MET: variants seen among roughly 807,000 people sequenced by gnomAD.
The protein encoded by MET is MET proto-oncogene, receptor tyrosine kinase.
Under a neutral mutation model 133.1 loss-of-function variants are expected in MET, and 48 were observed. The observed-to-expected ratio is 0.36, with a 90% CI of 0.29 to 0.46. MET has a LOEUF of 0.46. Among genes scored for constraint, MET ranks in the 20% least tolerant of loss-of-function variants. The pLI is 1.00. For synonymous variants in MET, 628 were observed against 616.5 expected (o/e 1.02, Z -0.28); for missense variants, 1,442 against 1,695.9 (o/e 0.85, Z 2.63).
intron 19 of MET, among the ~76,000 whole-genome samples, chr7:116,792,033 G>T (rs894814577): frequency 3.3e-5 from 5 of 152,010 alleles, no homozygotes; most frequent in African/African-American, 7.2e-5. Context: ...AAAAGTTTTT[G>T]ATTTTGTTGA....
intron 5 of MET, among the ~76,000 whole-genome samples, chr7:116,745,607 G>A (rs1176659582): frequency 2.0e-5 from 3 of 152,138 alleles, no homozygotes; most frequent in East Asian, 3.9e-4. Flanking sequence ...ACAGAACAGA[G>A]CCCTCAGAAA....
intron 1 of MET, among the ~76,000 whole-genome samples, chr7:116,684,634 A>G (rs2116496990): frequency 6.6e-6 from 1 of 152,322 alleles, no homozygotes; most frequent in South Asian, 2.1e-4. Flanking sequence ...ATCCATAAAG[A>G]GGGATCCACA....
intron 15 of MET, among the ~76,000 whole-genome samples, chr7:116,775,331 A>G (rs1394956840): frequency 1.3e-5 from 2 of 152,188 alleles, no homozygotes; most frequent in Non-Finnish European, 2.9e-5. Context: ...CCCCAAATAT[A>G]TTAGAACTAA....
intron 2 of MET, among the ~76,000 whole-genome samples, chr7:116,711,702 C>T (rs1033274278): frequency 6.6e-6 from 1 of 151,918 alleles, no homozygotes; most frequent in Non-Finnish European, 1.5e-5. Flanking sequence ...CTCCTCAACT[C>T]CACCCAATCT....
chr7:116,744,571 A>T (rs1434680090), intron 5 of MET, among the ~76,000 whole-genome samples: 1 of 152,238 alleles, frequency 6.6e-6, no homozygotes, highest in Non-Finnish European at 1.5e-5. Context: ...TGATTGGTGT[A>T]CCTGAAAGTT....
In MET at chr7:116,746,692, A is replaced by G. The variant is rs182480559; in HGVS notation, c.1701+5667A>G. On this transcript the variant is annotated intron_variant, in intron 5 of 20. Coordinates refer to ENST00000397752, the MANE Select transcript of MET (RefSeq NM_000245.4). ...AACTATCGCAAGAACAAAAAACCAA[A>G]CACCGCATGTTCTCACTCATAGGTG... Among the ~76,000 whole-genome samples the G allele has an allele frequency of 2.7e-3, 413 of 150,734 alleles. 3 individuals are homozygous for G. Among genetic ancestry groups the G allele is most frequent in the African/African-American group, 8.9e-3 (366 of 41,136 alleles).
chr7:116,780,407 C>A (rs1795123383), intron 17 of MET, among the ~76,000 whole-genome samples: 1 of 152,096 alleles, frequency 6.6e-6, no homozygotes, highest in Non-Finnish European at 1.5e-5. Context: ...ATAAAACATT[C>A]CCTGGCAGTG....
At chr7:116,675,812 C>T (rs1003853735) in intron 1 of MET, among the ~76,000 whole-genome samples, 3 of 150,036 alleles carry the variant, frequency 2.0e-5, no homozygotes, top group Admixed American at 6.7e-5. Flanking sequence ...GTGAGACATA[C>T]CGAGAAAAGG....
chr7:116,716,328 A>AGAGG (rs1562892977), intron 2 of MET, among the ~76,000 whole-genome samples: 27 of 137,762 alleles, frequency 2.0e-4, no homozygotes, highest in South Asian at 4.9e-4. Flanking sequence ...AGAGAGAGAG[A>AGAGG]GAGAGAGAGA....
At chr7:116,759,857 A>G (rs1376647769) in intron 10 of MET, among the ~76,000 whole-genome samples, 2 of 151,940 alleles carry the variant, frequency 1.3e-5, no homozygotes, top group Non-Finnish European at 2.9e-5. Flanking sequence ...GCTCACTGCA[A>G]TTTCCCCCTC....
At chr7:116,684,214 A>G (rs1435631699) in intron 1 of MET, among the ~76,000 whole-genome samples, 3 of 152,254 alleles carry the variant, frequency 2.0e-5, no homozygotes, top group Non-Finnish European at 4.4e-5. Context: ...ATCAAAATCC[A>G]TATTGAATAA....
rs548339164 is a variant in MET at position 116,693,953 on chromosome 7, A to G, written c.-14-5118A>G. Among the ~76,000 whole-genome samples, 66 of 152,330 alleles carry G rather than the reference A, an allele frequency of 4.3e-4. No individual in the cohort carries two copies. The South Asian group carries it at 5.4e-3, about 12-fold the overall frequency. ...TGAGGTAGGTACTATAATCCTGCCC[A>G]TATTTTAGATGAGAAAATACAGGCT... On this transcript the variant is annotated intron_variant, in intron 1 of 20. Coordinates refer to ENST00000397752, the MANE Select transcript of MET (RefSeq NM_000245.4).
At chr7:116,746,232 AC>A (rs1793675698) in intron 5 of MET, among the ~76,000 whole-genome samples, 1 of 152,272 alleles carries the variant, frequency 6.6e-6, no homozygotes, top group African/African-American at 2.4e-5. Flanking sequence ...GCAATGAGAT[AC>A]CATCTCACAC....
intron 9 of MET, 40 bp downstream of exon 9, chr7:116,758,660 T>C: frequency 1.3e-6 from 2 of 1,590,370 alleles, no homozygotes; most frequent in Middle Eastern, 1.7e-4. Context: ...AAACAATGAA[T>C]ACAAGGATGA....
intron 1 of MET, chr7:116,695,917 C>T (rs560033098): frequency 4.1e-6 from 1 of 242,882 alleles, no homozygotes; most frequent in Non-Finnish European, 8.8e-6. Flanking sequence ...CCCTTCATAA[C>T]CTGTACCCCC....
At chr7:116,685,192 G>A (rs987466238) in intron 1 of MET, among the ~76,000 whole-genome samples, 5 of 152,108 alleles carry the variant, frequency 3.3e-5, no homozygotes, top group African/African-American at 9.7e-5. Flanking sequence ...CTTTGGTGGC[G>A]CCATCACTCA....
rs2116586011 is a variant in MET, at chr7:116,699,413, G to T, written c.329G>T (p.Gly110Val). ...DCSSKANLSG[G>V]VWKDNINMAL... Reference sequence around the variant, plus strand: ...AGCAGCAAAGCCAATTTATCAGGAGGTGTTTGGAAAGATAACATCAACATG... The same window carrying T: ...AGCAGCAAAGCCAATTTATCAGGAGTTGTTTGGAAAGATAACATCAACATG... The change falls in exon 2 of 21, where the codon GGT (glycine) becomes GTT (valine). Residue 110 changes from glycine (G) to valine (V), a missense_variant. Transcript: ENST00000397752. 1 of 1,614,054 alleles carries T rather than the reference G, an allele frequency of 6.2e-7. No individual in the cohort carries two copies. The highest frequency in any genetic ancestry group is 8.5e-7 in the Non-Finnish European group (1 of 1,179,950).
intron 17 of MET, 97 bp from the exon 18 acceptor site, chr7:116,781,891 A>G: frequency 1.2e-6 from 1 of 853,294 alleles, no homozygotes; most frequent in Non-Finnish European, 1.9e-6. Flanking sequence ...TTTTTGAGAC[A>G]AGATAATTTT....
chr7:116,723,482 C>A (rs947546883), intron 2 of MET, among the ~76,000 whole-genome samples: 1 of 152,222 alleles, frequency 6.6e-6, no homozygotes, highest in Admixed American at 6.5e-5. Flanking sequence ...TCTCTCAGCT[C>A]GCCAAAGTCA....
Sources: allele counts gnomAD v4.1 joint callset (sites outside exome capture counted in the v4.1 genomes callset), GRCh38; gene constraint gnomAD v4.1.1; transcripts MANE v1.5; gene names NCBI Gene and HGNC (gene_info 2026-07-23, HGNC 2026-07-21).